THRA: variants seen among roughly 807,000 people sequenced by gnomAD.
The protein encoded by THRA is EAR-7.
THRA carries 13 observed loss-of-function variants against 45.0 expected under a neutral mutation model. The ratio of observed to expected loss-of-function variants is 0.29; its 90% confidence interval spans 0.19 to 0.46. The LOEUF (loss-of-function observed/expected upper bound fraction) is 0.46. Ranked by LOEUF, THRA falls within the 20% of genes least tolerant of loss-of-function variation. The probability of loss-of-function intolerance (pLI) is 1.00; values close to 1 mark genes in which losing one functional copy is unlikely to be tolerated. For missense variants in THRA, 278 were observed against 556.1 expected, an observed-to-expected ratio of 0.50 and a Z score of 5.03; for synonymous variants, 195 against 214.0, an observed-to-expected ratio of 0.91 and a Z score of 0.78.
chr17:40,092,849 A>C lies in THRA; in HGVS notation c.*3393A>C. ...ACAGAACAAATCAGAGGGCCAGGGGAGGGTTGTGGGGGAGACAGAGTGGTT... is the reference window on the plus strand; with the variant it reads ...ACAGAACAAATCAGAGGGCCAGGGGCGGGTTGTGGGGGAGACAGAGTGGTT... On this transcript the variant is annotated 3_prime_UTR_variant, in exon 9 of 9. Coordinates refer to ENST00000450525, the MANE Select transcript of THRA (RefSeq NM_199334.5). 4 of 878,014 alleles carry C rather than the reference A, an allele frequency of 4.6e-6. No individual in the cohort carries two copies. Among genetic ancestry groups the C allele is most frequent in the Non-Finnish European group, 6.7e-6 (4 of 598,206 alleles). 54.4% of individuals were successfully genotyped at this position (878,014 alleles called of 1,614,324 possible).
Position 40,088,447 on chromosome 17 carries a change from A to C in THRA, c.929A>C (p.Asn310Thr). The C allele has an allele frequency of 6.2e-7, 1 of 1,614,040 alleles. No homozygotes were observed. Among genetic ancestry groups the C allele is most frequent in the Non-Finnish European group, 8.5e-7 (1 of 1,179,960 alleles). ...FELGKSLSAF[N>T]LDDTEVALLQ... ...CTGGGCAAGTCACTCTCTGCCTTTA[A>C]CCTGGATGACACGGAAGTGGCTCTG... The change falls in exon 8 of 9, where the codon AAC becomes ACC. Residue 310 changes from asparagine (N) to threonine (T), a missense_variant. By Grantham distance (65) the Asn-to-Thr change is moderately conservative. Around this residue, in one of 6 missense-constraint regions of THRA, gnomAD observed 66 missense variants for 94.7 expected, o/e 0.70. Coordinates refer to ENST00000450525, the MANE Select transcript of THRA (RefSeq NM_199334.5).
intron 3 of THRA, 57 bp from the exon 4 acceptor site, chr17:40,077,451 C>T: frequency 1.3e-6 from 2 of 1,496,682 alleles, no homozygotes; most frequent in South Asian, 1.1e-5. Context: ...GTGTGAGAGC[C>T]TCTCTGCTGG....
At chr17:40,086,595 G>C (rs965727744) in intron 6 of THRA, 112 bp from the exon 7 acceptor site, 3 of 1,373,020 alleles carry the variant, frequency 2.2e-6, no homozygotes, top group Non-Finnish European at 2.0e-6. Flanking sequence ...ACTCAGGCAC[G>C]GGCGGCCCCT....
At position 40,088,232 on chromosome 17, in the gene THRA, C is replaced by T. The variant is rs760058449; in HGVS notation, c.724-10C>T. 32 of 1,572,978 alleles carry T rather than the reference C, an allele frequency of 2.0e-5. No homozygotes were observed. The highest frequency in any genetic ancestry group is 1.6e-4 in the Admixed American group (9 of 57,612). On this transcript the variant is annotated splice_polypyrimidine_tract_variant and intron_variant, in intron 7 of 8. Coordinates refer to ENST00000450525, the MANE Select transcript of THRA (RefSeq NM_199334.5). ...ATGCTGAGTGCTCCTGTGGCCCTGC[C>T]GCTCCACAGCTGCCTTGCGAAGACC... is the stretch of plus-strand genomic sequence containing the variant.
At chr17:40,068,602 A>G (rs1385796140) in intron 1 of THRA, among the ~76,000 whole-genome samples, 1 of 152,182 alleles carries the variant, frequency 6.6e-6, no homozygotes, top group African/African-American at 2.4e-5. Context: ...GATGGGTGTT[A>G]CTGGTGCCCA....
At chr17:40,083,014 A>T (rs1251584052) in intron 4 of THRA, among the ~76,000 whole-genome samples, 1 of 138,304 alleles carries the variant, frequency 7.2e-6, no homozygotes, top group Non-Finnish European at 1.5e-5. Flanking sequence ...GGCAAGCTCC[A>T]CCTCCTGGGT....
chr17:40,071,758 T>G lies in THRA; in HGVS notation c.-297-2434T>G, dbSNP rs113215036. On this transcript the variant is annotated intron_variant, in intron 1 of 8. Transcript: ENST00000450525. Reference sequence around the variant, plus strand: ...CATGCCCCTTACCCGCTGACCTTTTTCTGTCCGTGGCTAACACAGGCTCAT... The same window carrying G: ...CATGCCCCTTACCCGCTGACCTTTTGCTGTCCGTGGCTAACACAGGCTCAT... Among the ~76,000 whole-genome samples the G allele has an allele frequency of 4.1e-3, 625 of 152,272 alleles. 6 individuals are homozygous for G. The highest frequency in any genetic ancestry group is 0.014 in the African/African-American group (598 of 41,556).
intron 2 of THRA, among the ~76,000 whole-genome samples, chr17:40,075,488 G>A (rs1454775564): frequency 6.6e-6 from 1 of 152,158 alleles, no homozygotes; most frequent in Admixed American, 6.5e-5. Flanking sequence ...CTCCCCCAAA[G>A]CCTCACCCCA....
intron 1 of THRA, among the ~76,000 whole-genome samples, chr17:40,065,781 G>GT (rs899937689): frequency 7.2e-5 from 11 of 151,808 alleles, no homozygotes; most frequent in African/African-American, 2.7e-4. Context: ...AAGGGGGGGG[G>GT]GGTCAGCCAC....
intron 5 of THRA, 109 bp downstream of exon 5, chr17:40,084,091 C>A: frequency 7.7e-7 from 1 of 1,300,586 alleles, no homozygotes; most frequent in Non-Finnish European, 1.0e-6. Context: ...GGCAGAGTGG[C>A]AATCCAGTCT....
rs933806982 is a variant in THRA at position 40,089,615 on chromosome 17, C to T, written c.*159C>T. On this transcript the variant is annotated 3_prime_UTR_variant, in exon 9 of 9. Coordinates refer to ENST00000450525, the MANE Select transcript of THRA (RefSeq NM_199334.5). The surrounding 1 kb of genome is among the most constrained non-coding windows in gnomAD (Gnocchi z 6.1). ...ACACACACACCCGCACTGCCCAGGT[C>T]CCTCCTCAGACCTCCAGCCCTGGGA... 9.4e-5 allele frequency: 135 copies of T among 1,438,566 alleles called. 1 individual carries two copies. In the South Asian group the frequency reaches 1.9e-3, roughly 20 times the overall value. The allele number at this position is 1,438,566 out of a possible 1,614,324, so 89.1% of individuals were successfully genotyped here. A position where few individuals can be genotyped will look rare whatever the true frequency, so the allele number is the denominator to read the frequency against.
chr17:40,070,260 C>T (rs1266087350), intron 1 of THRA, among the ~76,000 whole-genome samples: 3 of 152,148 alleles, frequency 2.0e-5, no homozygotes, highest in South Asian at 2.1e-4. Context: ...GTGTGTACTC[C>T]TCTGCCACAT....
intron 1 of THRA, among the ~76,000 whole-genome samples, chr17:40,073,977 C>T (rs968154081): frequency 6.6e-6 from 1 of 152,128 alleles, no homozygotes; most frequent in African/African-American, 2.4e-5. Context: ...CCCTCCATTC[C>T]TTCCCATGTC....
At chr17:40,083,625 A>C (rs1368863448) in intron 4 of THRA, among the ~76,000 whole-genome samples, 12 of 152,152 alleles carry the variant, frequency 7.9e-5, no homozygotes, top group Admixed American at 5.2e-4. Flanking sequence ...AGACACCCCC[A>C]ACCCCTCAGC....
chr17:40,083,778 G>C, intron 4 of THRA, 57 bp from the exon 5 acceptor site: 1 of 1,537,636 alleles, frequency 6.5e-7, no homozygotes, highest in Non-Finnish European at 8.8e-7. Context: ...TGCATGGTTG[G>C]TTCAGGAAGG....
At chr17:40,077,383 A>G (rs931470575) in intron 3 of THRA, 125 bp from the exon 4 acceptor site, 2 of 751,744 alleles carry the variant, frequency 2.7e-6, no homozygotes. Flanking sequence ...CTAGGATTCT[A>G]CCAGGGAGGC....
chr17:40,066,125 G>A (rs567382078), intron 1 of THRA, among the ~76,000 whole-genome samples: 1 of 152,334 alleles, frequency 6.6e-6, no homozygotes, highest in South Asian at 2.1e-4. Flanking sequence ...TATGTACTAA[G>A]CGAGGCCCTC....
chr17:40,088,446 A>T lies in THRA; in HGVS notation c.928A>T (p.Asn310Tyr). 6.2e-7 allele frequency: 1 copy of T among 1,614,040 alleles called. No homozygotes were observed. Among genetic ancestry groups the T allele is most frequent in the Non-Finnish European group, 8.5e-7 (1 of 1,179,944 alleles). Residue 310 changes from asparagine to tyrosine, a missense_variant, in exon 8 of 9, where the codon AAC (asparagine) becomes TAC (tyrosine). Physicochemically the swap from Asn to Tyr is moderately radical, Grantham distance 143. Coordinates refer to ENST00000450525, the MANE Select transcript of THRA (RefSeq NM_199334.5). ...ACTGGGCAAGTCACTCTCTGCCTTT[A>T]ACCTGGATGACACGGAAGTGGCTCT... Reference protein sequence around the residue: ...FELGKSLSAFNLDDTEVALLQ... With the variant: ...FELGKSLSAFYLDDTEVALLQ...
intron 1 of THRA, among the ~76,000 whole-genome samples, chr17:40,068,507 T>C (rs1986651337): frequency 6.6e-6 from 1 of 152,144 alleles, no homozygotes; most frequent in Non-Finnish European, 1.5e-5. Context: ...AAAGCTGGGG[T>C]CATAGGGACC....
Sources: allele counts gnomAD v4.1 joint callset (sites outside exome capture counted in the v4.1 genomes callset), GRCh38; gene constraint gnomAD v4.1.1; regional missense constraint gnomAD v4.1.1; non-coding constraint Gnocchi (gnomAD v3.1); transcripts MANE v1.5; gene names NCBI Gene and HGNC (gene_info 2026-07-23, HGNC 2026-07-21).